CADPS: variants seen among roughly 807,000 people sequenced by gnomAD.
CADPS encodes the protein calcium dependent secretion activator, also known as calcium-dependent secretion activator 1.
CADPS carries 57 observed loss-of-function variants against 167.3 expected under a neutral mutation model. The observed-to-expected ratio is 0.34, with a 90% CI of 0.28 to 0.42. CADPS has a LOEUF of 0.42. CADPS is among the 20% of genes least tolerant of loss of function. CADPS has a pLI of 1.00. For synonymous variants in CADPS, 676 were observed against 635.3 expected (o/e 1.06, Z -0.96); for missense variants, 1,414 against 1,738.1 (o/e 0.81, Z 3.32).
At chr3:62,772,225 C>T (rs146420983) in intron 1 of CADPS, among the ~76,000 whole-genome samples, 3,451 of 151,934 alleles carry the variant, frequency 0.023, 64 homozygotes, top group South Asian at 0.06. Context: ...TTTATTTACT[C>T]AGCCTTTTGA....
chr3:62,628,679 T>A (rs1295582854), intron 6 of CADPS, among the ~76,000 whole-genome samples: 2 of 151,252 alleles, frequency 1.3e-5, no homozygotes, highest in Non-Finnish European at 2.9e-5. Flanking sequence ...CAGGCTGTAG[T>A]GCAGTAGTGC....
intron 27 of CADPS, among the ~76,000 whole-genome samples, chr3:62,444,316 CA>C (rs1359810595): frequency 6.6e-6 from 1 of 152,206 alleles, no homozygotes; most frequent in Non-Finnish European, 1.5e-5. Context: ...ATCACACTAC[CA>C]CCACCACGTG....
At chr3:62,629,772 G>GTT (rs759753265) in intron 6 of CADPS, among the ~76,000 whole-genome samples, 17,920 of 147,036 alleles carry the variant, frequency 0.12, 950 homozygotes, top group Middle Eastern at 0.19. Context: ...TTTTTTGTTT[G>GTT]TTTGTTTGTT....
chr3:62,480,620 C>A (rs2150809846), intron 22 of CADPS, among the ~76,000 whole-genome samples: 1 of 152,300 alleles, frequency 6.6e-6, no homozygotes, highest in Middle Eastern at 3.4e-3. Flanking sequence ...TGAGGGCCGT[C>A]TTGATGAATG....
rs1212456893 is a variant in CADPS at position 62,731,805 on chromosome 3, C to CAAA, written c.888+21633_888+21635dup. 1.8e-3 allele frequency among the ~76,000 whole-genome samples: 49 copies of CAAA among 27,118 alleles called. 2 individuals are homozygous for CAAA. Among genetic ancestry groups the CAAA allele is most frequent in the East Asian group, 0.01 (9 of 870 alleles). 17.8% of individuals were successfully genotyped at this position (27,118 alleles called of 152,430 possible). On this transcript the variant is annotated intron_variant, in intron 3 of 29. Transcript: ENST00000383710. The stretch of plus-strand genomic sequence containing the variant: ...CCTGGTGAAAGAAACTGATCATATG[C>CAAA]AAAAAAAAAAAAAAAAAAAAAAAAA...
chr3:62,768,655 G>A (rs894010557), intron 1 of CADPS, among the ~76,000 whole-genome samples: 1 of 151,998 alleles, frequency 6.6e-6, no homozygotes, highest in African/African-American at 2.4e-5. Flanking sequence ...TTAGGGCTGG[G>A]CACTAAGGAA....
intron 1 of CADPS, among the ~76,000 whole-genome samples, chr3:62,770,574 C>T (rs1187156153): frequency 6.6e-6 from 1 of 151,998 alleles, no homozygotes; most frequent in Non-Finnish European, 1.5e-5. Flanking sequence ...TACAGGCAAG[C>T]ACCAGCACGC....
intron 10 of CADPS, among the ~76,000 whole-genome samples, chr3:62,554,056 G>A (rs1487427443): frequency 6.6e-6 from 1 of 152,134 alleles, no homozygotes. Flanking sequence ...CATTTATGAG[G>A]GTAAAAAAGG....
intron 3 of CADPS, among the ~76,000 whole-genome samples, chr3:62,683,365 G>C (rs2077448327): frequency 6.6e-6 from 1 of 152,030 alleles, no homozygotes; most frequent in African/African-American, 2.4e-5. Context: ...AATATACCAA[G>C]TGCCTACCAT....
intron 13 of CADPS, among the ~76,000 whole-genome samples, chr3:62,526,128 G>T (rs764726139): frequency 1.5e-4 from 23 of 152,116 alleles, no homozygotes; most frequent in Admixed American, 6.6e-5. Flanking sequence ...CAGAGTAACA[G>T]GAGAAAAGTG....
intron 3 of CADPS, among the ~76,000 whole-genome samples, chr3:62,680,550 C>G (rs542320134): frequency 6.6e-6 from 1 of 152,046 alleles, no homozygotes; most frequent in South Asian, 2.1e-4. Context: ...ACGTTTGTGT[C>G]TTTCTCTTCA....
chr3:62,474,098 G>A, intron 24 of CADPS, 75 bp downstream of exon 24: 3 of 1,055,310 alleles, frequency 2.8e-6, no homozygotes, highest in Non-Finnish European at 4.0e-6. Flanking sequence ...GTAGATGGAA[G>A]GAATTTGTGA....
intron 1 of CADPS, among the ~76,000 whole-genome samples, chr3:62,839,318 G>T (rs2076319545): frequency 6.6e-6 from 1 of 152,092 alleles, no homozygotes; most frequent in African/African-American, 2.4e-5. Context: ...CCTCAGGAGA[G>T]TAGCTGGGAC....
At chr3:62,441,453 A>G (rs1183453180) in intron 27 of CADPS, among the ~76,000 whole-genome samples, 1 of 152,232 alleles carries the variant, frequency 6.6e-6, no homozygotes, top group African/African-American at 2.4e-5. Context: ...CCTACTTATG[A>G]ATGCAAATCT....
At chr3:62,467,262 C>A in intron 24 of CADPS, 1 of 1,144,954 alleles carries the variant, frequency 8.7e-7, no homozygotes. Context: ...AATAACAATG[C>A]AAGACATTGT....
At chr3:62,721,500 T>C (rs1218854323) in intron 3 of CADPS, among the ~76,000 whole-genome samples, 1 of 152,110 alleles carries the variant, frequency 6.6e-6, no homozygotes, top group Non-Finnish European at 1.5e-5. Flanking sequence ...GAGACCACCG[T>C]ATCACCGCCT....
rs2062046960 is a variant in CADPS, at chr3:62,481,764, A to T, written c.3132T>A (p.Thr1044=). The change falls in exon 22 of 30, where the codon ACT becomes ACA. Residue 1044 remains threonine, a synonymous_variant. Coordinates refer to ENST00000383710, the MANE Select transcript of CADPS (RefSeq NM_003716.4). ...NIPLGIPQMP[T]FSAPSWMAAI... Reference sequence around the variant, plus strand: ...CAGCCATCCATGACGGTGCCGAAAAAGTAGGCATTTGTGGGATGCCTAGAG... The same window carrying T: ...CAGCCATCCATGACGGTGCCGAAAATGTAGGCATTTGTGGGATGCCTAGAG... The T allele has an allele frequency of 6.8e-6, 11 of 1,609,402 alleles. No individual in the cohort carries two copies. The highest frequency in any genetic ancestry group is 9.3e-6 in the Non-Finnish European group (11 of 1,178,490).
At chr3:62,741,735 G>A (rs895338667) in intron 3 of CADPS, among the ~76,000 whole-genome samples, 7 of 152,044 alleles carry the variant, frequency 4.6e-5, no homozygotes, top group East Asian at 1.9e-4. Context: ...GCCCTCTCTC[G>A]CCACTTCTAT....
intron 3 of CADPS, among the ~76,000 whole-genome samples, chr3:62,662,669 A>T (rs1047683957): frequency 6.6e-6 from 1 of 152,292 alleles, no homozygotes; most frequent in Non-Finnish European, 1.5e-5. Context: ...AGTGTTTCTA[A>T]TGAGGACCAA....
Sources: allele counts gnomAD v4.1 joint callset (sites outside exome capture counted in the v4.1 genomes callset), GRCh38; gene constraint gnomAD v4.1.1; transcripts MANE v1.5; gene names NCBI Gene and HGNC (gene_info 2026-07-23, HGNC 2026-07-21).